RPGRIP1L: variants seen among roughly 807,000 people sequenced by gnomAD.
RPGRIP1L encodes the protein protein fantom.
In RPGRIP1L, 131 loss-of-function variants were observed where a neutral mutation model predicts 160.4. The observed-to-expected ratio is 0.82, with a 90% CI of 0.71 to 0.94. The LOEUF (loss-of-function observed/expected upper bound fraction) is 0.94. RPGRIP1L is among the 40% of genes least tolerant of loss of function. The pLI is 0.00. For synonymous variants in RPGRIP1L, 510 were observed against 515.8 expected (o/e 0.99, Z 0.15); for missense variants, 1,522 against 1,535.8 (o/e 0.99, Z 0.15).
At position 53,671,539 on chromosome 16, in the gene RPGRIP1L, T is replaced by TA. The variant is rs1060501006; in HGVS notation, c.1073dup (p.Leu358PhefsTer6). 1 of 1,579,812 alleles carries TA rather than the reference T, an allele frequency of 6.3e-7. No individual in the cohort carries two copies. Among genetic ancestry groups the TA allele is most frequent in the African/African-American group, 1.3e-5 (1 of 74,340 alleles). ...CATAAAGTTTATCATAGTTTTCCTT[T>TA]AAAAGTTCCCGTTCCTTTTCTAAAT... On this transcript the variant is annotated frameshift_variant, in exon 9 of 27. Coordinates refer to ENST00000647211, the MANE Select transcript of RPGRIP1L (RefSeq NM_015272.5). LOFTEE classifies it high-confidence loss of function.
In RPGRIP1L at chr16:53,652,940, G is replaced by C; in HGVS notation, c.1747C>G (p.Pro583Ala). The stretch of plus-strand genomic sequence containing the variant: ...ACAGAGTCATCTGGCATGATTTCTG[G>C]TTTAAATTTGTACTGCTTGGTGCCA... ...AYGTKQYKFK[P>A]EIMPDDSVDE... Residue 583 changes from proline (P) to alanine (A), a missense_variant, in exon 15 of 27, where the codon CCA (proline) becomes GCA (alanine). Coordinates refer to ENST00000647211, the MANE Select transcript of RPGRIP1L (RefSeq NM_015272.5). The C allele has an allele frequency of 6.2e-7, 1 of 1,613,896 alleles. No homozygotes were observed. The highest frequency in any genetic ancestry group is 8.5e-7 in the Non-Finnish European group (1 of 1,179,928).
In RPGRIP1L at chr16:53,671,539, T is replaced by TAA. The variant is rs1060501006; in HGVS notation, c.1072_1073dup (p.Leu358PhefsTer2). The TAA allele has an allele frequency of 6.3e-7, 1 of 1,579,812 alleles. No individual in the cohort carries two copies. Among genetic ancestry groups the TAA allele is most frequent in the Non-Finnish European group, 8.7e-7 (1 of 1,150,430 alleles). The stretch of plus-strand genomic sequence containing the variant: ...CATAAAGTTTATCATAGTTTTCCTT[T>TAA]AAAAGTTCCCGTTCCTTTTCTAAAT... On this transcript the variant is annotated frameshift_variant, in exon 9 of 27. Transcript: ENST00000647211. LOFTEE classifies it high-confidence loss of function.
At chr16:53,656,973 G>A (rs1967308198) in intron 13 of RPGRIP1L, among the ~76,000 whole-genome samples, 1 of 152,126 alleles carries the variant, frequency 6.6e-6, no homozygotes, top group Non-Finnish European at 1.5e-5. Context: ...AGGGCATGGT[G>A]GCTCAGGCCT....
rs184520009 is a variant in RPGRIP1L at position 53,601,544 on chromosome 16, A to G, written c.*532T>C. ...CTGAGCTTTAATGTGCATAAAATGG[A>G]TATTAGCATTTTAAAGAGGAAGATT... On this transcript the variant is annotated 3_prime_UTR_variant, in exon 27 of 27. Coordinates refer to ENST00000647211, the MANE Select transcript of RPGRIP1L (RefSeq NM_015272.5). The G allele has an allele frequency of 3.4e-4, 53 of 157,278 alleles. No individual in the cohort carries two copies. Among genetic ancestry groups the G allele is most frequent in the Non-Finnish European group, 6.7e-4 (47 of 70,562 alleles). 9.7% of individuals were successfully genotyped at this position (157,278 alleles called of 1,614,324 possible).
chr16:53,621,198 A>T (rs1341939573), intron 23 of RPGRIP1L, among the ~76,000 whole-genome samples: 1 of 152,146 alleles, frequency 6.6e-6, no homozygotes, highest in Non-Finnish European at 1.5e-5. Flanking sequence ...CCATATGAAA[A>T]CTTGCATTAT....
At chr16:53,642,706 TG>T (rs1454708235) in intron 17 of RPGRIP1L, among the ~76,000 whole-genome samples, 1 of 152,306 alleles carries the variant, frequency 6.6e-6, no homozygotes, top group East Asian at 1.9e-4. Flanking sequence ...TAGGAATCTG[TG>T]GGACTGCTCT....
chr16:53,686,827 T>C (rs755078843), intron 5 of RPGRIP1L, among the ~76,000 whole-genome samples: 58 of 152,326 alleles, frequency 3.8e-4, no homozygotes, highest in South Asian at 4.1e-4. Flanking sequence ...TTTGATTCAA[T>C]TGAGTAAGTA....
chr16:53,682,284 T>C (rs1401215653), intron 6 of RPGRIP1L, among the ~76,000 whole-genome samples: 1 of 152,202 alleles, frequency 6.6e-6, no homozygotes, highest in African/African-American at 2.4e-5. Flanking sequence ...GTAATAGCCA[T>C]TTTGTCTCTG....
At chr16:53,675,850 A>G (rs1191336649) in intron 6 of RPGRIP1L, among the ~76,000 whole-genome samples, 1 of 152,192 alleles carries the variant, frequency 6.6e-6, no homozygotes, top group Non-Finnish European at 1.5e-5. Flanking sequence ...TTAAAGGTTA[A>G]TCATAGATCT....
chr16:53,654,908 G>A (rs1306163962), intron 14 of RPGRIP1L, among the ~76,000 whole-genome samples: 3 of 152,140 alleles, frequency 2.0e-5, no homozygotes, highest in Non-Finnish European at 2.9e-5. Context: ...ACCCTGCTTC[G>A]TCAGATAAAG....
Position 53,652,044 on chromosome 16 carries a change from A to C in RPGRIP1L, c.2152+491T>G, listed in dbSNP as rs1290954658. Among the ~76,000 whole-genome samples the C allele has an allele frequency of 2.0e-5, 3 of 152,308 alleles. No individual in the cohort carries two copies. In the South Asian group the frequency reaches 6.2e-4, roughly 32 times the overall value. On this transcript the variant is annotated intron_variant, in intron 15 of 26. Transcript: ENST00000647211. Reference sequence around the variant, plus strand: ...ACATCTGAAGTTACAAGTTTTAAAAAATTAATAGCCATTGTACTGACATCA... The same window carrying C: ...ACATCTGAAGTTACAAGTTTTAAAACATTAATAGCCATTGTACTGACATCA...
In RPGRIP1L at chr16:53,601,938, T is replaced by C; in HGVS notation, c.*138A>G. ...GAAAAAGTATACAAAACTTCAACAC[T>C]TCAAACCCAGGTCTCCCCGCTCCCA... On this transcript the variant is annotated 3_prime_UTR_variant, in exon 27 of 27. Transcript: ENST00000647211. 4.4e-6 allele frequency: 3 copies of C among 683,970 alleles called. No homozygotes were observed. Among genetic ancestry groups the C allele is most frequent in the South Asian group, 1.5e-5 (1 of 64,962 alleles). The allele number at this position is 683,970 out of a possible 1,614,324, so 42.4% of individuals were successfully genotyped here.
intron 22 of RPGRIP1L, among the ~76,000 whole-genome samples, chr16:53,625,271 G>A (rs1378660194): frequency 1.3e-5 from 2 of 150,636 alleles, no homozygotes; most frequent in African/African-American, 4.9e-5. Context: ...CCCAGTCTGG[G>A]AAGTGAGGAG....
intron 26 of RPGRIP1L, among the ~76,000 whole-genome samples, chr16:53,603,779 C>T (rs542595201): frequency 6.6e-6 from 1 of 151,768 alleles, no homozygotes; most frequent in South Asian, 2.1e-4. Flanking sequence ...AGAAACTGAG[C>T]ATTGGGTAAG....
At chr16:53,665,128 A>C in intron 9 of RPGRIP1L, 119 bp from the exon 10 acceptor site, 2 of 1,251,258 alleles carry the variant, frequency 1.6e-6, no homozygotes, top group East Asian at 5.0e-5. Context: ...GAATTAAGTA[A>C]ACATATGCTG....
chr16:53,677,032 G>C (rs1005335463), intron 6 of RPGRIP1L, among the ~76,000 whole-genome samples: 1 of 152,116 alleles, frequency 6.6e-6, no homozygotes, highest in Non-Finnish European at 1.5e-5. Flanking sequence ...CGGGCACATA[G>C]GGTGATAGAA....
At chr16:53,687,222 C>T (rs975498548) in intron 5 of RPGRIP1L, among the ~76,000 whole-genome samples, 2 of 152,106 alleles carry the variant, frequency 1.3e-5, no homozygotes, top group Non-Finnish European at 2.9e-5. Flanking sequence ...ATACTGTGCG[C>T]CATGTTTTCT....
rs754503374 is a variant in RPGRIP1L at position 53,618,992 on chromosome 16, T to C, written c.3616+33A>G. 58 of 1,521,776 alleles carry C rather than the reference T, an allele frequency of 3.8e-5. No individual in the cohort carries two copies. The East Asian group carries it at 1.3e-3, about 34-fold the overall frequency. 94.3% of individuals were successfully genotyped at this position (1,521,776 alleles called of 1,614,324 possible). The stretch of plus-strand genomic sequence containing the variant: ...CTTTCATAAATAAAAAAGACAAACA[T>C]AAAAGTCTATATTACAAATGAATCA... On this transcript the variant is annotated intron_variant, in intron 24 of 26. Transcript: ENST00000647211.
rs776297522 is a variant in RPGRIP1L at position 53,652,820 on chromosome 16, C to G, written c.1867G>C (p.Ala623Pro). ...KVTFSSEVLQASGDKEPVTFC... is the reference protein window; with the variant it reads ...KVTFSSEVLQPSGDKEPVTFC... The stretch of plus-strand genomic sequence containing the variant: ...GTGACAGGCTCTTTATCTCCAGATG[C>G]CTGTAAAACTTCAGAAGAAAAGGTT... The change falls in exon 15 of 27, where the codon GCA (alanine) becomes CCA (proline). Residue 623 changes from alanine to proline, a missense_variant. Coordinates refer to ENST00000647211, the MANE Select transcript of RPGRIP1L (RefSeq NM_015272.5). 1.1e-5 allele frequency: 18 copies of G among 1,613,578 alleles called. No homozygotes were observed. The Admixed American group carries it at 3.0e-4, about 27-fold the overall frequency.
Sources: gnomAD v4.1 joint callset for allele counts (sites outside exome capture counted in the v4.1 genomes callset) on GRCh38, gnomAD v4.1.1 for gene constraint, MANE v1.5 for transcripts, NCBI Gene and HGNC (gene_info 2026-07-23, HGNC 2026-07-21) for gene names.